Variants in CHRM3 observed in about 807,000 individuals in gnomAD.
The protein encoded by CHRM3 is muscarinic acetylcholine receptor M3.
In CHRM3, 11 loss-of-function variants were observed where a neutral mutation model predicts 41.8. The ratio of observed to expected loss-of-function variants is 0.26; its 90% confidence interval spans 0.17 to 0.44. The LOEUF is 0.44. Ranked by LOEUF, CHRM3 falls within the 20% of genes least tolerant of loss-of-function variation. The pLI, the probability that CHRM3 is intolerant of heterozygous loss-of-function variation, is 1.00. For synonymous variants in CHRM3, 297 were observed against 301.4 expected, an observed-to-expected ratio of 0.99 and a Z score of 0.15; for missense variants, 571 against 745.4, an observed-to-expected ratio of 0.77 and a Z score of 2.72.
Position 239,908,342 on chromosome 1 carries a change from G to T in CHRM3, c.891G>T (p.Gln297His). The change falls in exon 7 of 7, where the codon CAG becomes CAT. Residue 297 changes from glutamine to histidine, a missense_variant. This residue lies in a region of CHRM3 where 239 missense variants were observed against 239.6 expected (regional missense o/e 1.00). Coordinates refer to ENST00000676153, the MANE Select transcript of CHRM3 (RefSeq NM_001375978.1). This position sits in a 1 kb window ranked among gnomAD's most constrained non-coding sequence, Gnocchi z 7.2. ...SRSCSSYELQ[Q>H]QSMKRSNRRK... Reference sequence around the variant, plus strand: ...GCTGCAGCAGTTACGAACTTCAACAGCAAAGCATGAAACGCTCCAACAGGA... The same window carrying T: ...GCTGCAGCAGTTACGAACTTCAACATCAAAGCATGAAACGCTCCAACAGGA... 1 of 1,614,080 alleles carries T rather than the reference G, an allele frequency of 6.2e-7. No homozygotes were observed. The highest frequency in any genetic ancestry group is 1.3e-5 in the African/African-American group (1 of 75,022).
intron 5 of CHRM3, chr1:239,704,682 T>A (rs1660981903): frequency 6.6e-6 from 1 of 152,200 alleles, no homozygotes; most frequent in African/African-American, 2.4e-5. Context: ...GGGACGAGGC[T>A]TATTTATTGC....
rs374640175 is a variant in CHRM3, at chr1:239,856,390, C to T, written c.-20+29012C>T. 1.1e-4 allele frequency among the ~76,000 whole-genome samples: 17 copies of T among 152,188 alleles called. No homozygotes were observed. The South Asian group carries it at 2.9e-3, about 26-fold the overall frequency. ...GTGCTGTCTCATGAGTGAGTTCTCACGAAATCTGATTGTTTAAAAGTGGGT... is the reference window on the plus strand; with the variant it reads ...GTGCTGTCTCATGAGTGAGTTCTCATGAAATCTGATTGTTTAAAAGTGGGT... On this transcript the variant is annotated intron_variant, in intron 6 of 6. Transcript: ENST00000676153.
At chr1:239,642,126 G>A (rs1671220681) in intron 4 of CHRM3, among the ~76,000 whole-genome samples, 1 of 129,400 alleles carries the variant, frequency 7.7e-6, no homozygotes, top group South Asian at 2.6e-4. Context: ...AGTTTCTGCC[G>A]AGAGACCCTC....
intron 4 of CHRM3, among the ~76,000 whole-genome samples, chr1:239,653,107 C>A (rs2148976333): frequency 6.6e-6 from 1 of 152,190 alleles, no homozygotes; most frequent in East Asian, 1.9e-4. Context: ...GAGAAAGAGA[C>A]CTCAGTATAG....
chr1:239,901,633 C>A (rs2103016949), intron 6 of CHRM3, among the ~76,000 whole-genome samples: 1 of 152,056 alleles, frequency 6.6e-6, no homozygotes, highest in South Asian at 2.1e-4. Flanking sequence ...CACAACTTGC[C>A]TTTCTTACTT....
chr1:239,679,392 C>T (rs1658338002), intron 5 of CHRM3, among the ~76,000 whole-genome samples: 1 of 152,060 alleles, frequency 6.6e-6, no homozygotes, highest in Non-Finnish European at 1.5e-5. Flanking sequence ...GAGCTCAAGA[C>T]CTAACTCTAC....
chr1:239,456,637 C>T (rs890330344), intron 1 of CHRM3, among the ~76,000 whole-genome samples: 3 of 152,106 alleles, frequency 2.0e-5, no homozygotes, highest in Non-Finnish European at 4.4e-5. Flanking sequence ...GGGAAGTTTC[C>T]ATGCCAAAGT....
chr1:239,610,804 A>C (rs1025982257), intron 3 of CHRM3, among the ~76,000 whole-genome samples: 18 of 152,190 alleles, frequency 1.2e-4, no homozygotes, highest in African/African-American at 4.3e-4. Context: ...CTGTAATCCC[A>C]GCACTTTGGG....
intron 4 of CHRM3, among the ~76,000 whole-genome samples, chr1:239,655,601 G>C (rs1380902758): frequency 6.6e-6 from 1 of 152,138 alleles, no homozygotes; most frequent in East Asian, 1.9e-4. Flanking sequence ...CTTTCTCTTA[G>C]TATAATTTTT....
intron 3 of CHRM3, among the ~76,000 whole-genome samples, chr1:239,599,603 T>TG (rs1207001957): frequency 6.6e-6 from 1 of 152,094 alleles, no homozygotes; most frequent in Non-Finnish European, 1.5e-5. Flanking sequence ...CAGCTTTCCA[T>TG]GGGGCTATGT....
intron 3 of CHRM3, chr1:239,546,656 C>T (rs894412499): frequency 2.0e-5 from 3 of 152,120 alleles, no homozygotes; most frequent in Non-Finnish European, 4.4e-5. Flanking sequence ...ATGTTTCTCA[C>T]ACACCCATGC....
At chr1:239,520,906 G>A (rs182083329) in intron 2 of CHRM3, among the ~76,000 whole-genome samples, 81 of 152,164 alleles carry the variant, frequency 5.3e-4, no homozygotes, top group African/African-American at 1.8e-3. Flanking sequence ...AACTTATGAA[G>A]GGTTTCCAAT....
At chr1:239,758,767 G>T (rs1221466341) in intron 5 of CHRM3, among the ~76,000 whole-genome samples, 1 of 152,112 alleles carries the variant, frequency 6.6e-6, no homozygotes, top group African/African-American at 2.4e-5. Flanking sequence ...ACTCTTTGTT[G>T]ACAGAGTCTA....
At chr1:239,437,120 T>G (rs556051893) in intron 1 of CHRM3, among the ~76,000 whole-genome samples, 75 of 152,270 alleles carry the variant, frequency 4.9e-4, no homozygotes, top group Non-Finnish European at 1.0e-3. Context: ...TTGTTTTTGT[T>G]TATTCCTTTT....
At chr1:239,521,388 C>T (rs79076243) in intron 2 of CHRM3, among the ~76,000 whole-genome samples, 10,875 of 152,158 alleles carry the variant, frequency 0.071, 802 homozygotes, top group African/African-American at 0.19. Flanking sequence ...TACGAGAGGA[C>T]AATAGACCTT....
At chr1:239,794,926 A>T (rs764197154) in intron 5 of CHRM3, among the ~76,000 whole-genome samples, 40 of 152,154 alleles carry the variant, frequency 2.6e-4, no homozygotes, top group Non-Finnish European at 1.0e-4. Flanking sequence ...TTGATATCGT[A>T]TCTCTGTAAA....
intron 5 of CHRM3, among the ~76,000 whole-genome samples, chr1:239,805,355 A>T (rs1400756560): frequency 6.6e-6 from 1 of 152,180 alleles, no homozygotes; most frequent in East Asian, 1.9e-4. Context: ...TTCACTCGGG[A>T]CCCTTCACTT....
intron 3 of CHRM3, among the ~76,000 whole-genome samples, chr1:239,622,120 A>C (rs2165870): frequency 6.6e-6 from 1 of 152,010 alleles, no homozygotes; most frequent in Non-Finnish European, 1.5e-5. Context: ...TTACAGCCTG[A>C]TATACTGAAT....
intron 6 of CHRM3, among the ~76,000 whole-genome samples, chr1:239,906,380 T>C (rs1679966782): frequency 6.6e-6 from 1 of 152,168 alleles, no homozygotes; most frequent in Non-Finnish European, 1.5e-5. Flanking sequence ...ATGATCAAAC[T>C]TTGAACTCAT....
Sources: allele counts gnomAD v4.1 joint callset (sites outside exome capture counted in the v4.1 genomes callset), GRCh38; gene constraint gnomAD v4.1.1; regional missense constraint gnomAD v4.1.1; non-coding constraint Gnocchi (gnomAD v3.1); transcripts MANE v1.5; gene names NCBI Gene and HGNC (gene_info 2026-07-23, HGNC 2026-07-21).